The following MYBPC1 variants were observed in gnomAD, a reference collection of about 807,000 sequenced individuals.
MYBPC1 encodes myosin-binding protein C, slow-type.
Under a neutral mutation model 147.1 loss-of-function variants are expected in MYBPC1, and 52 were observed. That is an observed-to-expected ratio of 0.35 (90% confidence interval 0.28 to 0.45). The LOEUF (loss-of-function observed/expected upper bound fraction) is 0.45, where lower values mean the gene tolerates loss of function less well. Ranked by LOEUF, MYBPC1 falls within the 20% of genes least tolerant of loss-of-function variation. MYBPC1 has a pLI of 1.00. For missense variants in MYBPC1, 1,228 were observed against 1,440.3 expected (o/e 0.85, Z 2.39); for synonymous variants, 477 against 475.9 (o/e 1.00, Z -0.03).
At chr12:101,617,129 T>G in intron 2 of MYBPC1, 73 bp from the exon 3 acceptor site, 1 of 1,427,090 alleles carries the variant, frequency 7.0e-7, no homozygotes. Flanking sequence ...CCTCCCCCTC[T>G]CCACCCCGTT....
At chr12:101,688,295 T>A (rs1951378632), downstream of MYBPC1, among the ~76,000 whole-genome samples, 1 of 152,102 alleles carries the variant, frequency 6.6e-6, no homozygotes, top group Non-Finnish European at 1.5e-5. Context: ...GGCACACAAC[T>A]GTAGTCTCAG....
At chr12:101,648,202 C>A in intron 14 of MYBPC1, 52 bp downstream of exon 14, 1 of 1,320,594 alleles carries the variant, frequency 7.6e-7, no homozygotes, top group Non-Finnish European at 1.1e-6. Flanking sequence ...AAAAATTGGA[C>A]CTTCATAGTT....
At chr12:101,596,099 A>G (rs1877141104) in intron 1 of MYBPC1, among the ~76,000 whole-genome samples, 1 of 152,216 alleles carries the variant, frequency 6.6e-6, no homozygotes, top group Non-Finnish European at 1.5e-5. Flanking sequence ...CATAGTTTTC[A>G]GTTTTTAATT....
At chr12:101,657,519 A>T (rs1024228677) in intron 18 of MYBPC1, among the ~76,000 whole-genome samples, 1 of 152,244 alleles carries the variant, frequency 6.6e-6, no homozygotes, top group Non-Finnish European at 1.5e-5. Context: ...ACATTACTAC[A>T]AATCCCATGG....
intron 23 of MYBPC1, 148 bp downstream of exon 23, chr12:101,668,047 C>T: frequency 4.0e-6 from 4 of 991,206 alleles, no homozygotes; most frequent in Non-Finnish European, 4.6e-6. Flanking sequence ...AGAGTTAGAA[C>T]TTAATAAAGC....
intron 1 of MYBPC1, among the ~76,000 whole-genome samples, chr12:101,595,420 A>G (rs1876816381): frequency 6.6e-6 from 1 of 152,208 alleles, no homozygotes; most frequent in Non-Finnish European, 1.5e-5. Flanking sequence ...GTTTTCAAGC[A>G]TATTTTCTTA....
At chr12:101,686,879 T>C (rs73390511), downstream of MYBPC1, among the ~76,000 whole-genome samples, 1,380 of 152,284 alleles carry the variant, frequency 9.1e-3, 23 homozygotes, top group African/African-American at 0.031. Flanking sequence ...CTAGTTTATG[T>C]CCAAACTATG....
At chr12:101,691,335 G>A in the MYBPC1 span, among the ~76,000 whole-genome samples, 1 of 152,174 alleles carries the variant, frequency 6.6e-6, no homozygotes, top group Non-Finnish European at 1.5e-5. Context: ...GCCTCCGAAA[G>A]TGCTGGGATT....
At chr12:101,667,641 A>C in intron 22 of MYBPC1, 91 bp from the exon 23 acceptor site, 1 of 1,434,802 alleles carries the variant, frequency 7.0e-7, no homozygotes, top group Non-Finnish European at 9.8e-7. Flanking sequence ...TATGAGTAAA[A>C]TACTAATTTG....
chr12:101,645,265 C>G (rs1318618865), intron 12 of MYBPC1, among the ~76,000 whole-genome samples: 3 of 152,160 alleles, frequency 2.0e-5, no homozygotes, highest in African/African-American at 7.2e-5. Context: ...TGCAATATTG[C>G]ATATAAAAGG....
chr12:101,658,852 G>A (rs1401846790), intron 18 of MYBPC1, among the ~76,000 whole-genome samples: 1 of 152,160 alleles, frequency 6.6e-6, no homozygotes, highest in Non-Finnish European at 1.5e-5. Flanking sequence ...TCCTGATACA[G>A]ACACAAAAGA....
intron 30 of MYBPC1, 112 bp from the exon 31 acceptor site, chr12:101,684,270 C>A: frequency 1.2e-6 from 1 of 850,846 alleles, no homozygotes; most frequent in Non-Finnish European, 2.0e-6. Flanking sequence ...TTAATGAAAT[C>A]ACCTCTTCAT....
chr12:101,601,724 C>T (rs1283365687), intron 1 of MYBPC1, among the ~76,000 whole-genome samples: 1 of 151,618 alleles, frequency 6.6e-6, no homozygotes, highest in Non-Finnish European at 1.5e-5. Context: ...TGATTTTGTT[C>T]TATTCTTTTT....
At chr12:101,601,989 C>A (rs1413311003) in intron 1 of MYBPC1, among the ~76,000 whole-genome samples, 1 of 152,044 alleles carries the variant, frequency 6.6e-6, no homozygotes, top group Non-Finnish European at 1.5e-5. Context: ...TTGGCTTTTT[C>A]TTTATGCATC....
intron 30 of MYBPC1, among the ~76,000 whole-genome samples, chr12:101,683,656 C>G (rs2136942697): frequency 6.6e-6 from 1 of 152,232 alleles, no homozygotes; most frequent in South Asian, 2.1e-4. Flanking sequence ...GATTCACCCC[C>G]ATTTGGAATT....
rs201043269 is a variant in MYBPC1 at position 101,662,264 on chromosome 12, AC to A, written c.2033-93del. 1,341 of 1,302,212 alleles carry A rather than the reference AC, an allele frequency of 1.0e-3. 9 individuals are homozygous for A. In the African/African-American group the frequency reaches 0.018, roughly 17 times the overall value. The allele number at this position is 1,302,212 out of a possible 1,614,324, so 80.7% of individuals were successfully genotyped here. A position where few individuals can be genotyped will look rare whatever the true frequency, so the allele number is the denominator to read the frequency against. Reference sequence around the variant, plus strand: ...TATGACTATTTCACATAGATTGATGACAAAATGCAAAATTTTAAGGACTTCT... The same window carrying A: ...TATGACTATTTCACATAGATTGATGAAAAATGCAAAATTTTAAGGACTTCT... On this transcript the variant is annotated intron_variant, in intron 20 of 31. Transcript: ENST00000361466.
chr12:101,598,269 C>T (rs1309122768), intron 1 of MYBPC1, among the ~76,000 whole-genome samples: 4 of 152,190 alleles, frequency 2.6e-5, no homozygotes, highest in African/African-American at 2.4e-5. Context: ...GTCCACCTGC[C>T]TCTGCCTCCC....
chr12:101,664,453 A>G (rs957008618), intron 22 of MYBPC1: 2 of 152,232 alleles, frequency 1.3e-5, no homozygotes, highest in African/African-American at 4.8e-5. Flanking sequence ...ACCTCCAGGA[A>G]AACTCTTTGG....
At chr12:101,632,858 T>C (rs1890191912) in intron 8 of MYBPC1, among the ~76,000 whole-genome samples, 1 of 152,138 alleles carries the variant, frequency 6.6e-6, no homozygotes, top group Admixed American at 6.5e-5. Context: ...GCCTCCCAAA[T>C]AGCTGGGATT....
Sources: gnomAD v4.1 joint callset for allele counts (sites outside exome capture counted in the v4.1 genomes callset) on GRCh38, gnomAD v4.1.1 for gene constraint, MANE v1.5 for transcripts, NCBI Gene and HGNC (gene_info 2026-07-23, HGNC 2026-07-21) for gene names.